Variants in AKAP6 observed in about 807,000 individuals in gnomAD.
AKAP6 encodes the protein A-kinase anchoring protein 6, also known as A-kinase anchor protein 6.
Under a neutral mutation model 188.5 loss-of-function variants are expected in AKAP6, and 58 were observed. That is an observed-to-expected ratio of 0.31 (90% CI 0.25 to 0.38). The LOEUF (loss-of-function observed/expected upper bound fraction) is 0.38, where lower values mean the gene tolerates loss of function less well. Ranked by LOEUF, AKAP6 falls within the 10% of genes least tolerant of loss-of-function variation. The pLI, the probability that AKAP6 is intolerant of heterozygous loss-of-function variation, is 1.00. For synonymous variants in AKAP6, 989 were observed against 998.6 expected (o/e 0.99, Z 0.18); for missense variants, 2,710 against 2,740.0 (o/e 0.99, Z 0.24).
At chr14:32,825,047 G>T (rs2034641128) in intron 13 of AKAP6, among the ~76,000 whole-genome samples, 1 of 151,954 alleles carries the variant, frequency 6.6e-6, no homozygotes. Flanking sequence ...CATAATTCTG[G>T]CAAGAATACA....
At chr14:32,664,462 G>A (rs1487716582) in intron 7 of AKAP6, among the ~76,000 whole-genome samples, 1 of 151,926 alleles carries the variant, frequency 6.6e-6, no homozygotes, top group Non-Finnish European at 1.5e-5. Flanking sequence ...TATTGGTTAT[G>A]TTTTTTGAGT....
chr14:32,402,198 A>C (rs1889118322), intron 1 of AKAP6: 1 of 152,244 alleles, frequency 6.6e-6, no homozygotes, highest in African/African-American at 2.4e-5. Flanking sequence ...CATGGTAAAC[A>C]GTGCAATGCA....
At chr14:32,753,792 C>T (rs533404887) in intron 11 of AKAP6, among the ~76,000 whole-genome samples, 11 of 151,960 alleles carry the variant, frequency 7.2e-5, no homozygotes, top group Non-Finnish European at 1.3e-4. Flanking sequence ...TTTCCCATGG[C>T]GTGTTCTTGC....
chr14:32,503,082 G>A (rs1356155316), intron 2 of AKAP6, among the ~76,000 whole-genome samples: 4 of 152,050 alleles, frequency 2.6e-5, no homozygotes, highest in Non-Finnish European at 5.9e-5. Context: ...CCTATTTCAT[G>A]TGCCTTTCCC....
At chr14:32,602,321 C>T (rs886741049) in intron 7 of AKAP6, among the ~76,000 whole-genome samples, 2 of 152,054 alleles carry the variant, frequency 1.3e-5, no homozygotes, top group African/African-American at 4.8e-5. Context: ...CATAGCAAGA[C>T]CTTATCTCTG....
At chr14:32,712,844 C>T (rs1418636808) in intron 9 of AKAP6, among the ~76,000 whole-genome samples, 3 of 152,066 alleles carry the variant, frequency 2.0e-5, no homozygotes, top group African/African-American at 4.8e-5. Context: ...TTCTTCCAAA[C>T]TCCTGTTAAT....
intron 2 of AKAP6, among the ~76,000 whole-genome samples, chr14:32,505,727 G>A (rs1420240109): frequency 4.6e-5 from 7 of 152,084 alleles, no homozygotes; most frequent in Non-Finnish European, 7.4e-5. Flanking sequence ...ATTCTACTTA[G>A]TTAAGAAGTC....
chr14:32,357,752 T>C (rs1887529580), intron 1 of AKAP6, among the ~76,000 whole-genome samples: 1 of 152,210 alleles, frequency 6.6e-6, no homozygotes, highest in African/African-American at 2.4e-5. Flanking sequence ...TGGAATAGGG[T>C]ACTTTCAACT....
intron 7 of AKAP6, among the ~76,000 whole-genome samples, chr14:32,657,209 T>C (rs1888491226): frequency 6.6e-6 from 1 of 152,146 alleles, no homozygotes; most frequent in South Asian, 2.1e-4. Context: ...GGTATGGCTT[T>C]GCAAACCCAA....
At chr14:32,772,353 CAT>C (rs1470474785) in intron 11 of AKAP6, among the ~76,000 whole-genome samples, 1 of 152,106 alleles carries the variant, frequency 6.6e-6, no homozygotes, top group Non-Finnish European at 1.5e-5. Flanking sequence ...GTTCAAGAAA[CAT>C]AACTGAAACT....
At chr14:32,422,996 A>G (rs946083349) in intron 1 of AKAP6, among the ~76,000 whole-genome samples, 2 of 152,130 alleles carry the variant, frequency 1.3e-5, no homozygotes, top group African/African-American at 2.4e-5. Context: ...TCATTTATTC[A>G]TCTAATTTCT....
At chr14:32,611,208 G>A (rs575037678) in intron 7 of AKAP6, among the ~76,000 whole-genome samples, 1 of 152,254 alleles carries the variant, frequency 6.6e-6, no homozygotes, top group African/African-American at 2.4e-5. Flanking sequence ...TAGGAGAATG[G>A]TATTACCATT....
At chr14:32,745,449 A>C (rs1025104398) in intron 11 of AKAP6, among the ~76,000 whole-genome samples, 2 of 147,918 alleles carry the variant, frequency 1.4e-5, no homozygotes, top group Non-Finnish European at 3.0e-5. Context: ...CTGCCAAACA[A>C]ATATTTATTC....
chr14:32,675,225 T>C (rs1294331220), intron 7 of AKAP6, among the ~76,000 whole-genome samples: 1 of 152,214 alleles, frequency 6.6e-6, no homozygotes, highest in African/African-American at 2.4e-5. Flanking sequence ...CCTATATTCC[T>C]ACTCCTATTG....
chr14:32,748,039 C>T (rs10138575), intron 11 of AKAP6, among the ~76,000 whole-genome samples: 2,064 of 152,308 alleles, frequency 0.014, 54 homozygotes, highest in African/African-American at 0.046. Flanking sequence ...TCTTGAAAAT[C>T]AGACAGAACA....
chr14:32,561,965 C>T (rs1046765028), intron 4 of AKAP6, among the ~76,000 whole-genome samples: 2 of 152,174 alleles, frequency 1.3e-5, no homozygotes, highest in Non-Finnish European at 2.9e-5. Flanking sequence ...GTTTCAAGGT[C>T]ACTCATGATG....
chr14:32,802,135 C>A (rs1438389406), intron 12 of AKAP6, among the ~76,000 whole-genome samples: 1 of 152,124 alleles, frequency 6.6e-6, no homozygotes, highest in African/African-American at 2.4e-5. Context: ...GAAATTTTCC[C>A]ACAGTTCTTG....
At chr14:32,716,542 T>C (rs1392116559) in intron 9 of AKAP6, among the ~76,000 whole-genome samples, 4 of 149,560 alleles carry the variant, frequency 2.7e-5, no homozygotes, top group African/African-American at 9.8e-5. Flanking sequence ...ACATATATAC[T>C]ATATACTATG....
intron 2 of AKAP6, among the ~76,000 whole-genome samples, chr14:32,496,765 T>G (rs1442056865): frequency 1.3e-5 from 2 of 152,158 alleles, no homozygotes; most frequent in Non-Finnish European, 2.9e-5. Flanking sequence ...ATGGCAATTT[T>G]GTATGGCTCA....
Sources: allele counts gnomAD v4.1 joint callset (sites outside exome capture counted in the v4.1 genomes callset), GRCh38; gene constraint gnomAD v4.1.1; transcripts MANE v1.5; gene names NCBI Gene and HGNC (gene_info 2026-07-23, HGNC 2026-07-21).